The following PLCXD1 variants were observed in gnomAD, a reference collection of about 807,000 sequenced individuals.
The protein encoded by PLCXD1 is PI-PLC X domain-containing protein 1.
In PLCXD1, 45 loss-of-function variants were observed where a neutral mutation model predicts 37.8. The observed-to-expected ratio is 1.19, with a 90% confidence interval of 0.94 to 1.53. The LOEUF is 1.53. Among genes scored for constraint, PLCXD1 ranks in the 40% most tolerant of loss-of-function variants. The pLI, the probability that PLCXD1 is intolerant of heterozygous loss-of-function variation, is 0.00. For missense variants in PLCXD1, 539 were observed against 454.7 expected, an observed-to-expected ratio of 1.19 and a Z score of -1.69; for synonymous variants, 246 against 206.9, an observed-to-expected ratio of 1.19 and a Z score of -1.62.
At chrX:289,379 G>C (rs182139114) in intron 3 of PLCXD1, among the ~76,000 whole-genome samples, 1 of 151,088 alleles carries the variant, frequency 6.6e-6, no homozygotes, top group East Asian at 2.0e-4. Flanking sequence ...GAGCCACCGC[G>C]CCCGGCCCAG....
intron 3 of PLCXD1, among the ~76,000 whole-genome samples, 164 bp from the exon 4 acceptor site, chrX:290,484 C>G (rs1046102442): frequency 2.0e-5 from 3 of 151,966 alleles, no homozygotes; most frequent in Admixed American, 2.0e-4. Context: ...AAATGCAGGT[C>G]CCCGTGGCTG....
intron 5 of PLCXD1, among the ~76,000 whole-genome samples, chrX:292,562 C>G (rs867208740): frequency 6.6e-6 from 1 of 152,142 alleles, no homozygotes; most frequent in Non-Finnish European, 1.5e-5. Context: ...CCCGCCGTGT[C>G]CTCCCAAAGT....
At chrX:284,341 T>C in intron 2 of PLCXD1, 27 bp downstream of exon 2, 2 of 1,611,730 alleles carry the variant, frequency 1.2e-6, no homozygotes, top group South Asian at 2.2e-5. Flanking sequence ...GCAGGGGCCG[T>C]TGCCTCTATC....
chrX:300,233 G>T lies in PLCXD1; in HGVS notation c.*898G>T, dbSNP rs1027917718. On this transcript the variant is annotated 3_prime_UTR_variant, in exon 7 of 7. Transcript: ENST00000381657. The stretch of plus-strand genomic sequence containing the variant: ...TGTATTCTCCTTGCTGTGGCGTCTG[G>T]AGCCCTTACAGACCCAGGGAGACAC... 2 of 151,814 alleles carry T rather than the reference G, an allele frequency of 1.3e-5. No individual in the cohort carries two copies. Among genetic ancestry groups the T allele is most frequent in the Non-Finnish European group, 2.9e-5 (2 of 68,000 alleles). The allele number at this position is 151,814 out of a possible 1,614,324, so 9.4% of individuals were successfully genotyped here. A position where few individuals can be genotyped will look rare whatever the true frequency, so the allele number is the denominator to read the frequency against.
Position 286,983 on chromosome X carries a change from CCACGTTCCTCAGAGGATGTAAAGGGGCTT to C in PLCXD1, c.128-1737_128-1709del, listed in dbSNP as rs1396706762. 2.4e-4 allele frequency among the ~76,000 whole-genome samples: 36 copies of C among 151,834 alleles called. No individual in the cohort carries two copies. The East Asian group carries it at 3.3e-3, about 14-fold the overall frequency. ...CGGGGTCTGGGGATTTAAAGGGGGT[CCACGTTCCTCAGAGGATGTAAAGGGGCTT>C]CACGTTCCTCAGGGGATTTAAAGGG... is the stretch of plus-strand genomic sequence containing the variant. On this transcript the variant is annotated intron_variant, in intron 2 of 6. Coordinates refer to ENST00000381657, the MANE Select transcript of PLCXD1 (RefSeq NM_018390.4).
chrX:289,933 C>T (rs1309362443), intron 3 of PLCXD1, among the ~76,000 whole-genome samples: 4 of 152,156 alleles, frequency 2.6e-5, no homozygotes, highest in Non-Finnish European at 4.4e-5. Flanking sequence ...AACAGGGAGA[C>T]AGGCCCCTTT....
intron 4 of PLCXD1, 152 bp from the exon 5 acceptor site, chrX:291,347 T>G: frequency 1.3e-6 from 1 of 754,054 alleles, no homozygotes; most frequent in Non-Finnish European, 2.2e-6. Context: ...GGTTTCACCA[T>G]GTTGGCTAGG....
rs185555152 is a variant in PLCXD1, at chrX:293,238, G to T, written c.733+20G>T. ...GCCCAGGTACCAGGTCGCCCCTCGT[G>T]GGGGTAGATTCCACACAGCCTCCCG... On this transcript the variant is annotated intron_variant, in intron 6 of 6. Coordinates refer to ENST00000381657, the MANE Select transcript of PLCXD1 (RefSeq NM_018390.4). 21 of 1,597,776 alleles carry T rather than the reference G, an allele frequency of 1.3e-5. No individual in the cohort carries two copies. The highest frequency in any genetic ancestry group is 2.2e-5 in the East Asian group (1 of 44,640).
intron 6 of PLCXD1, among the ~76,000 whole-genome samples, chrX:294,077 C>G (rs982239742): frequency 2.6e-5 from 4 of 151,932 alleles, no homozygotes; most frequent in Non-Finnish European, 5.9e-5. Context: ...TGGCTCACAC[C>G]TGTGATCACA....
chrX:296,428 A>G (rs1246933745), intron 6 of PLCXD1, among the ~76,000 whole-genome samples: 3 of 152,182 alleles, frequency 2.0e-5, no homozygotes, highest in Non-Finnish European at 2.9e-5. Context: ...CAGCCTAGAA[A>G]TACGTGTTAA....
chrX:288,752 G>A lies in PLCXD1; in HGVS notation c.147G>A (p.Thr49=), dbSNP rs200914244. 1.2e-4 allele frequency: 188 copies of A among 1,613,842 alleles called. No individual in the cohort carries two copies. In the East Asian group the frequency reaches 3.2e-3, roughly 28 times the overall value. Residue 49 remains threonine, a synonymous_variant, in exon 3 of 7, where the codon ACG becomes ACA. Coordinates refer to ENST00000381657, the MANE Select transcript of PLCXD1 (RefSeq NM_018390.4). The part of the protein sequence containing the change: ...LSIPGSHDTM[T]YCLNKKSPIS... Reference sequence around the variant, plus strand: ...TCTCAGGGAGCCACGACACGATGACGTACTGCCTGAACAAGAAGTCCCCCA... The same window carrying A: ...TCTCAGGGAGCCACGACACGATGACATACTGCCTGAACAAGAAGTCCCCCA...
In PLCXD1 at chrX:285,539, GCA is replaced by G. The variant is rs763704100; in HGVS notation, c.127+1230_127+1231del. Among the ~76,000 whole-genome samples, 1,134 of 120,940 alleles carry G rather than the reference GCA, an allele frequency of 9.4e-3. 18 individuals are homozygous for G. The highest frequency in any genetic ancestry group is 0.034 in the African/African-American group (1,047 of 30,408). 79.3% of individuals were successfully genotyped at this position (120,940 alleles called of 152,430 possible). On this transcript the variant is annotated intron_variant, in intron 2 of 6. Transcript: ENST00000381657. ...TACACGTGTACACACGTACATGCAT[GCA>G]CACAGACATACACATGTACACATTT...
chrX:282,234 T>G (rs1257835595), intron 1 of PLCXD1, among the ~76,000 whole-genome samples: 12 of 151,974 alleles, frequency 7.9e-5, no homozygotes, highest in Non-Finnish European at 1.8e-4. Context: ...CTTACATACA[T>G]TGCCGGGCGT....
chrX:285,340 GCA>G (rs2069416074), intron 2 of PLCXD1, among the ~76,000 whole-genome samples: 1 of 149,642 alleles, frequency 6.7e-6, no homozygotes, highest in Non-Finnish European at 1.5e-5. Flanking sequence ...ACATGCACAT[GCA>G]CACGTGTACA....
chrX:277,274 CAGATGTGGGGAT>C (rs1276844384), upstream of PLCXD1, among the ~76,000 whole-genome samples: 56 of 37,100 alleles, frequency 1.5e-3, 3 homozygotes, highest in Admixed American at 3.6e-3. Flanking sequence ...AACGTGGGGA[CAGATGTGGGGAT>C]AGGAGGGGAC....
chrX:299,335 A>C lies in PLCXD1; in HGVS notation c.972A>C (p.Ter324CysextTer22), dbSNP rs759128669. 1.2e-6 allele frequency: 2 copies of C among 1,607,104 alleles called. No individual in the cohort carries two copies. The highest frequency in any genetic ancestry group is 1.7e-5 in the Admixed American group (1 of 59,964). ...IALNQKLLWC[*>C] is the part of the protein sequence containing the mutation. ...TCAATCAGAAGCTGCTGTGGTGCTG[A>C]CGGGACCCTTCTGAAGTTCGGGACG... The change falls in exon 7 of 7, where the codon TGA (stop) becomes TGC (cysteine). Residue 324 changes from the stop codon to cysteine (C), a stop_lost. Transcript: ENST00000381657.
At chrX:278,883 A>C (rs773314262), upstream of PLCXD1, among the ~76,000 whole-genome samples, 58 of 152,268 alleles carry the variant, frequency 3.8e-4, no homozygotes, top group African/African-American at 1.3e-3. Flanking sequence ...ACATGAATCC[A>C]TACGTGTAAG....
intron 5 of PLCXD1, among the ~76,000 whole-genome samples, chrX:292,659 C>CTGGA (rs1242925297): frequency 1.3e-5 from 2 of 151,174 alleles, no homozygotes; most frequent in African/African-American, 4.9e-5. Flanking sequence ...GTCTCCCAGG[C>CTGGA]TGGAGTGCAA....
chrX:285,228 A>G (rs2069409915), intron 2 of PLCXD1, among the ~76,000 whole-genome samples: 1 of 152,186 alleles, frequency 6.6e-6, no homozygotes, highest in South Asian at 2.1e-4. Context: ...GCACATGTAT[A>G]CATGGATGTA....
Sources: allele counts gnomAD v4.1 joint callset (sites outside exome capture counted in the v4.1 genomes callset), GRCh38; gene constraint gnomAD v4.1.1; transcripts MANE v1.5; gene names NCBI Gene and HGNC (gene_info 2026-07-23, HGNC 2026-07-21).